MARCHF1: variants seen among roughly 807,000 people sequenced by gnomAD.
MARCHF1 encodes the protein E3 ubiquitin-protein ligase MARCHF1.
In MARCHF1, 40 loss-of-function variants were observed where a neutral mutation model predicts 54.2. The observed-to-expected ratio is 0.74, with a 90% CI of 0.57 to 0.96. MARCHF1 has a LOEUF of 0.96. MARCHF1 is among the 40% of genes least tolerant of loss of function. MARCHF1 has a pLI of 0.00. For synonymous variants in MARCHF1, 236 were observed against 236.3 expected, an observed-to-expected ratio of 1.00 and a Z score of 0.01; for missense variants, 586 against 656.5, an observed-to-expected ratio of 0.89 and a Z score of 1.17.
At chr4:163,906,228 C>A (rs1751063979) in intron 3 of MARCHF1, among the ~76,000 whole-genome samples, 1 of 151,986 alleles carries the variant, frequency 6.6e-6, no homozygotes, top group Non-Finnish European at 1.5e-5. Flanking sequence ...TTACTCAATT[C>A]CTCCCATTTT....
At chr4:163,867,177 G>A (rs1750071035) in intron 3 of MARCHF1, among the ~76,000 whole-genome samples, 1 of 151,948 alleles carries the variant, frequency 6.6e-6, no homozygotes, top group Admixed American at 6.6e-5. Context: ...GACTCGCCAT[G>A]AGTCACCTCA....
intron 2 of MARCHF1, among the ~76,000 whole-genome samples, chr4:164,074,123 T>A (rs1182192880): frequency 6.6e-6 from 1 of 152,228 alleles, no homozygotes; most frequent in Non-Finnish European, 1.5e-5. Flanking sequence ...ATTTTGAAAG[T>A]AATTTTTGAA....
intron 1 of MARCHF1, among the ~76,000 whole-genome samples, chr4:164,238,367 C>CAT (rs1032835751): frequency 2.6e-5 from 4 of 151,970 alleles, no homozygotes; most frequent in African/African-American, 9.7e-5. Flanking sequence ...GTTGACCAGG[C>CAT]TTATTCATAC....
Position 163,545,629 on chromosome 4 carries a change from T to A in MARCHF1, c.1306A>T (p.Thr436Ser). 1 of 1,613,944 alleles carries A rather than the reference T, an allele frequency of 6.2e-7. No homozygotes were observed. The highest frequency in any genetic ancestry group is 8.5e-7 in the Non-Finnish European group (1 of 1,179,948). ...TTGCCTTGCTTGATTTCCTCCGCTG[T>A]CCGGTCTATCAATACATACAAAGAC... ...VWSLYVLIDR[T>S]AEEIKQGNDN... The change falls in exon 9 of 10, where the codon ACA (threonine) becomes TCA (serine). Residue 436 changes from threonine (T) to serine (S), a missense_variant. Coordinates refer to ENST00000514618, the MANE Select transcript of MARCHF1 (RefSeq NM_001394959.1).
intron 3 of MARCHF1, among the ~76,000 whole-genome samples, chr4:163,865,438 A>G (rs1423574852): frequency 6.6e-6 from 1 of 151,828 alleles, no homozygotes; most frequent in Non-Finnish European, 1.5e-5. Flanking sequence ...CAACCCAGGG[A>G]TTTATGGCCT....
At chr4:163,577,477 A>G (rs1000923300) in intron 8 of MARCHF1, among the ~76,000 whole-genome samples, 1 of 151,992 alleles carries the variant, frequency 6.6e-6, no homozygotes, top group African/African-American at 2.4e-5. Flanking sequence ...TATCTTTTGT[A>G]TGTAATCTGA....
intron 7 of MARCHF1, among the ~76,000 whole-genome samples, chr4:163,597,661 T>C (rs1414223897): frequency 6.6e-6 from 1 of 152,190 alleles, no homozygotes; most frequent in African/African-American, 2.4e-5. Flanking sequence ...AAAGATTATA[T>C]TTTTCTAATT....
rs115095254 is a variant in MARCHF1, at chr4:164,152,282, T to C, written c.-322-40620A>G. On this transcript the variant is annotated intron_variant, in intron 1 of 9. Coordinates refer to ENST00000514618, the MANE Select transcript of MARCHF1 (RefSeq NM_001394959.1). Reference sequence around the variant, plus strand: ...AGATGGTATCATAATTATTCTGAATTTTTAAAATATATATTGTATTTCATC... The same window carrying C: ...AGATGGTATCATAATTATTCTGAATCTTTAAAATATATATTGTATTTCATC... Among the ~76,000 whole-genome samples the C allele has an allele frequency of 5.9e-3, 896 of 152,204 alleles. 9 individuals are homozygous for C. The highest frequency in any genetic ancestry group is 0.021 in the African/African-American group (855 of 41,524).
intron 1 of MARCHF1, among the ~76,000 whole-genome samples, chr4:164,126,561 A>C (rs1756184410): frequency 6.6e-6 from 1 of 152,188 alleles, no homozygotes. Flanking sequence ...GAATTGGCTA[A>C]TGGGTAGAAA....
At chr4:164,264,861 A>AGT (rs1733565283) in intron 1 of MARCHF1, among the ~76,000 whole-genome samples, 1 of 151,240 alleles carries the variant, frequency 6.6e-6, no homozygotes, top group African/African-American at 2.4e-5. Flanking sequence ...TGGAGTTTAC[A>AGT]GTGAGCCAAA....
rs575939461 is a variant in MARCHF1 at position 163,741,390 on chromosome 4, C to T, written c.112-40527G>A. On this transcript the variant is annotated intron_variant, in intron 4 of 9. Transcript: ENST00000514618. ...ACTTGAGGTCAGGAGTTCAAGACAA[C>T]TCTGGCCAACATGATGAAACCCCAT... Among the ~76,000 whole-genome samples, 11 of 151,972 alleles carry T rather than the reference C, an allele frequency of 7.2e-5. No individual in the cohort carries two copies. In the South Asian group the frequency reaches 2.3e-3, roughly 32 times the overall value.
At chr4:163,562,158 G>A (rs758271433) in intron 8 of MARCHF1, among the ~76,000 whole-genome samples, 9 of 152,090 alleles carry the variant, frequency 5.9e-5, no homozygotes, top group African/African-American at 1.2e-4. Flanking sequence ...TTAGCCAGGC[G>A]TGGTGGCCCA....
At chr4:163,894,342 T>C (rs928015884) in intron 3 of MARCHF1, among the ~76,000 whole-genome samples, 1 of 151,920 alleles carries the variant, frequency 6.6e-6, no homozygotes, top group South Asian at 2.1e-4. Context: ...TAAGAAAATA[T>C]AGAACAAAAA....
At chr4:164,287,414 T>C (rs1001605010) in intron 1 of MARCHF1, among the ~76,000 whole-genome samples, 1 of 152,182 alleles carries the variant, frequency 6.6e-6, no homozygotes, top group African/African-American at 2.4e-5. Flanking sequence ...ACAGTTGCCG[T>C]GTCGTAAGAC....
At chr4:163,827,480 T>G (rs1199703242) in intron 4 of MARCHF1, among the ~76,000 whole-genome samples, 1 of 152,168 alleles carries the variant, frequency 6.6e-6, no homozygotes, top group Non-Finnish European at 1.5e-5. Context: ...GATATAAATT[T>G]TCTGAATAAA....
chr4:163,764,504 A>C lies in MARCHF1; in HGVS notation c.112-63641T>G, dbSNP rs1746920583. 2.6e-5 allele frequency among the ~76,000 whole-genome samples: 4 copies of C among 152,096 alleles called. No homozygotes were observed. In the South Asian group the frequency reaches 8.3e-4, roughly 31 times the overall value. Reference sequence around the variant, plus strand: ...TAGTGACATACATGCACATCAAAGAACATCATAAAACATAATAAATAGATA... The same window carrying C: ...TAGTGACATACATGCACATCAAAGACCATCATAAAACATAATAAATAGATA... On this transcript the variant is annotated intron_variant, in intron 4 of 9. Transcript: ENST00000514618.
chr4:163,587,748 GA>G (rs1740455751), intron 7 of MARCHF1, among the ~76,000 whole-genome samples: 1 of 151,678 alleles, frequency 6.6e-6, no homozygotes, highest in African/African-American at 2.4e-5. Context: ...ACCTTCACAG[GA>G]AGCTCCTGAA....
chr4:164,168,574 A>G (rs1730441060), intron 1 of MARCHF1, among the ~76,000 whole-genome samples: 1 of 152,054 alleles, frequency 6.6e-6, no homozygotes, highest in Non-Finnish European at 1.5e-5. Flanking sequence ...TATTTGCCAC[A>G]TCAATGATGG....
chr4:164,085,844 C>A (rs938514487), intron 2 of MARCHF1, among the ~76,000 whole-genome samples: 1 of 151,618 alleles, frequency 6.6e-6, no homozygotes, highest in East Asian at 1.9e-4. Flanking sequence ...TTCTGTACTA[C>A]CTTTCTGTAT....
Sources: gnomAD v4.1 joint callset for allele counts (sites outside exome capture counted in the v4.1 genomes callset) on GRCh38, gnomAD v4.1.1 for gene constraint, MANE v1.5 for transcripts, NCBI Gene and HGNC (gene_info 2026-07-23, HGNC 2026-07-21) for gene names.